TANC2: variants seen among roughly 807,000 people sequenced by gnomAD.
The protein encoded by TANC2 is protein TANC2.
Under a neutral mutation model 210.5 loss-of-function variants are expected in TANC2, and 26 were observed. The observed-to-expected ratio is 0.12, with a 90% confidence interval of 0.09 to 0.17. TANC2 has a LOEUF of 0.17. Ranked by LOEUF, TANC2 falls within the 10% of genes least tolerant of loss-of-function variation. TANC2 has a pLI of 1.00. For missense variants in TANC2, 2,129 were observed against 2,608.9 expected (o/e 0.82, Z 4.01); for synonymous variants, 931 against 967.1 (o/e 0.96, Z 0.69).
At chr17:63,169,853 C>T (rs998363886) in intron 5 of TANC2, among the ~76,000 whole-genome samples, 2 of 151,982 alleles carry the variant, frequency 1.3e-5, no homozygotes, top group East Asian at 3.9e-4. Context: ...AAATTTATGG[C>T]AGGTGCGGAG....
chr17:63,215,152 G>A (rs2041991909), intron 7 of TANC2, among the ~76,000 whole-genome samples: 1 of 152,132 alleles, frequency 6.6e-6, no homozygotes. Context: ...TTTATCAAGA[G>A]GAAATAACCT....
intron 7 of TANC2, among the ~76,000 whole-genome samples, chr17:63,220,374 G>A (rs1211157242): frequency 1.3e-5 from 2 of 151,686 alleles, no homozygotes; most frequent in Admixed American, 1.3e-4. Flanking sequence ...AGGCATTTTA[G>A]TGAGAAAAGG....
chr17:63,193,758 A>G (rs1359624163), intron 5 of TANC2, among the ~76,000 whole-genome samples: 2 of 152,148 alleles, frequency 1.3e-5, no homozygotes, highest in African/African-American at 2.4e-5. Context: ...TCTGCCTCAC[A>G]TTTATAATCA....
chr17:63,241,017 A>G (rs1567845296), intron 8 of TANC2, among the ~76,000 whole-genome samples: 1 of 152,212 alleles, frequency 6.6e-6, no homozygotes, highest in Non-Finnish European at 1.5e-5. Flanking sequence ...ATGAATGAAT[A>G]TATGCATGAA....
At chr17:63,237,500 C>G (rs1364967707) in intron 7 of TANC2, among the ~76,000 whole-genome samples, 1 of 151,944 alleles carries the variant, frequency 6.6e-6, no homozygotes, top group Non-Finnish European at 1.5e-5. Flanking sequence ...GTTTTTGTTG[C>G]CTGTGCTTTT....
chr17:63,314,967 TAGA>T (rs2045269003), intron 10 of TANC2, among the ~76,000 whole-genome samples: 3 of 152,206 alleles, frequency 2.0e-5, no homozygotes, highest in Non-Finnish European at 4.4e-5. Context: ...CAATTGCCCG[TAGA>T]GCAATTTGCA....
At chr17:63,330,784 C>T (rs2045812772) in intron 11 of TANC2, among the ~76,000 whole-genome samples, 1 of 152,164 alleles carries the variant, frequency 6.6e-6, no homozygotes, top group Admixed American at 6.5e-5. Flanking sequence ...TAATAAATAT[C>T]TAAAATGTAG....
chr17:63,274,362 A>G (rs545429593), intron 9 of TANC2, among the ~76,000 whole-genome samples: 1 of 152,290 alleles, frequency 6.6e-6, no homozygotes, highest in Non-Finnish European at 1.5e-5. Flanking sequence ...ACCATCCAAG[A>G]GCTTGAATAC....
At chr17:63,063,729 T>A (rs113174995) in intron 2 of TANC2, among the ~76,000 whole-genome samples, 1 of 151,836 alleles carries the variant, frequency 6.6e-6, no homozygotes, top group African/African-American at 2.4e-5. Context: ...TATCACACTT[T>A]GTTACCCAGT....
intron 4 of TANC2, among the ~76,000 whole-genome samples, chr17:63,128,580 A>C (rs1321405331): frequency 6.6e-6 from 1 of 152,216 alleles, no homozygotes; most frequent in Non-Finnish European, 1.5e-5. Flanking sequence ...TTGTTTAATA[A>C]ATGTACATTT....
intron 3 of TANC2, among the ~76,000 whole-genome samples, chr17:63,076,258 G>C (rs887237357): frequency 1.3e-5 from 2 of 152,126 alleles, no homozygotes; most frequent in East Asian, 3.9e-4. Context: ...AAACACTGTA[G>C]CCTGGGAGAC....
At position 63,418,419 on chromosome 17, in the gene TANC2, G is replaced by C. The variant is rs768086464; in HGVS notation, c.4268+12G>C. On this transcript the variant is annotated intron_variant, in intron 27 of 27. Coordinates refer to ENST00000689528, the Ensembl canonical transcript of TANC2. The surrounding 1 kb of genome is among the most constrained non-coding windows in gnomAD (Gnocchi z 4.6). ...AAACGCAGCAGCAGGTGAGGAGAGA[G>C]AGAGAGGGTGAAAGCAAGAGGTCTC... 2.5e-6 allele frequency: 4 copies of C among 1,606,306 alleles called. No individual in the cohort carries two copies. The highest frequency in any genetic ancestry group is 3.4e-6 in the Non-Finnish European group (4 of 1,176,182).
chr17:63,327,524 CAAA>C, intron 11 of TANC2, among the ~76,000 whole-genome samples: 1 of 152,240 alleles, frequency 6.6e-6, no homozygotes, highest in Non-Finnish European at 1.5e-5. Flanking sequence ...GGAAATTTCT[CAAA>C]GAACTTAAAA....
intron 8 of TANC2, among the ~76,000 whole-genome samples, chr17:63,264,914 G>A (rs1446241467): frequency 6.6e-6 from 1 of 152,076 alleles, no homozygotes; most frequent in African/African-American, 2.4e-5. Flanking sequence ...AGCCATGACT[G>A]CACCACTGCA....
intron 2 of TANC2, among the ~76,000 whole-genome samples, chr17:63,036,013 C>A (rs978947865): frequency 1.1e-4 from 16 of 152,084 alleles, no homozygotes; most frequent in Admixed American, 7.2e-4. Flanking sequence ...GTCATCAGAT[C>A]TTTTGCCCAT....
intron 14 of TANC2, among the ~76,000 whole-genome samples, chr17:63,361,400 G>A (rs2046954244): frequency 6.6e-6 from 1 of 152,232 alleles, no homozygotes. Flanking sequence ...AAGAGAGCAT[G>A]GGGTCCAGCC....
intron 17 of TANC2, among the ~76,000 whole-genome samples, chr17:63,392,229 T>C (rs1023179507): frequency 2.0e-5 from 3 of 152,226 alleles, no homozygotes; most frequent in Non-Finnish European, 4.4e-5. Context: ...TAACCCCAAA[T>C]TGCTAATTTC....
intron 5 of TANC2, among the ~76,000 whole-genome samples, chr17:63,173,881 A>G (rs1052620294): frequency 4.6e-5 from 7 of 152,212 alleles, no homozygotes; most frequent in African/African-American, 1.7e-4. Context: ...CTTATGCTTT[A>G]TGAGAACAAT....
At chr17:63,291,545 G>A (rs865931456) in intron 9 of TANC2, among the ~76,000 whole-genome samples, 10 of 152,188 alleles carry the variant, frequency 6.6e-5, no homozygotes, top group Admixed American at 3.3e-4. Context: ...TGAGATGCAA[G>A]GGTAGCAGTG....
Sources: gnomAD v4.1 joint callset for allele counts (sites outside exome capture counted in the v4.1 genomes callset) on GRCh38, gnomAD v4.1.1 for gene constraint, Gnocchi (gnomAD v3.1) non-coding constraint, MANE v1.5 for transcripts, NCBI Gene and HGNC (gene_info 2026-07-23, HGNC 2026-07-21) for gene names.